The following SPON1 variants were observed in gnomAD, a reference collection of about 807,000 sequenced individuals.
SPON1 encodes the protein spondin-1.
Under a neutral mutation model 111.7 loss-of-function variants are expected in SPON1, and 52 were observed. That is an observed-to-expected ratio of 0.47 (90% CI 0.37 to 0.59). The LOEUF (loss-of-function observed/expected upper bound fraction) is 0.59. SPON1 is among the 20% of genes least tolerant of loss of function. SPON1 has a pLI of 0.00. For missense variants in SPON1, 957 were observed against 1,068.5 expected (o/e 0.90, Z 1.46); for synonymous variants, 410 against 395.8 (o/e 1.04, Z -0.43).
At chr11:13,996,545 A>G (rs1269071596) in intron 2 of SPON1, among the ~76,000 whole-genome samples, 1 of 152,246 alleles carries the variant, frequency 6.6e-6, no homozygotes, top group African/African-American at 2.4e-5. Flanking sequence ...CACTCCTCTC[A>G]ACAGAGCACA....
intron 3 of SPON1, among the ~76,000 whole-genome samples, chr11:14,050,415 G>T (rs73422178): frequency 0.03 from 4,602 of 152,236 alleles, 227 homozygotes; most frequent in African/African-American, 0.1. Context: ...TTTGTGTACT[G>T]TTAGAGCTCT....
intron 6 of SPON1, among the ~76,000 whole-genome samples, chr11:14,141,866 C>T (rs534579160): frequency 6.6e-6 from 1 of 152,146 alleles, no homozygotes; most frequent in Non-Finnish European, 1.5e-5. Context: ...CTGCCTCATC[C>T]GGTTTGGAAA....
At chr11:14,231,930 GGA>G (rs1491408287) in intron 6 of SPON1, among the ~76,000 whole-genome samples, 80,355 of 151,210 alleles carry the variant, frequency 0.53, 21,555 homozygotes, top group East Asian at 0.64. Context: ...AAGGATGGTG[GGA>G]TTATAGGGTC....
intron 3 of SPON1, among the ~76,000 whole-genome samples, chr11:14,050,741 G>A (rs1014616275): frequency 3.1e-4 from 47 of 152,140 alleles, no homozygotes; most frequent in African/African-American, 1.1e-3. Flanking sequence ...ACCCCAGTTG[G>A]GGCCTTTGGA....
In SPON1 at chr11:14,267,156, T is replaced by C. The variant is rs562781430; in HGVS notation, c.*1469T>C. 5.3e-4 allele frequency: 81 copies of C among 152,334 alleles called. No individual in the cohort carries two copies. Among genetic ancestry groups the C allele is most frequent in the Non-Finnish European group, 1.0e-3 (69 of 68,028 alleles). 9.4% of individuals were successfully genotyped at this position (152,334 alleles called of 1,614,324 possible). On this transcript the variant is annotated 3_prime_UTR_variant, in exon 16 of 16. Coordinates refer to ENST00000576479, the MANE Select transcript of SPON1 (RefSeq NM_006108.4). The stretch of plus-strand genomic sequence containing the variant: ...TATTTCCAAATACAACATAGTATAG[T>C]CCTGAATATGTACTTTTAACACAAG...
chr11:14,182,673 T>C (rs1361060383), intron 6 of SPON1, among the ~76,000 whole-genome samples: 2 of 152,194 alleles, frequency 1.3e-5, no homozygotes, highest in Non-Finnish European at 2.9e-5. Flanking sequence ...GTAAAGCTTG[T>C]TGCCTAAAAG....
chr11:14,255,923 G>A, intron 9 of SPON1, 136 bp downstream of exon 9: 1 of 920,234 alleles, frequency 1.1e-6, no homozygotes, highest in Non-Finnish European at 1.6e-6. Context: ...GGCCTCCCCA[G>A]GTTTCTAACA....
chr11:14,041,409 C>A, intron 2 of SPON1, 112 bp from the exon 3 acceptor site: 1 of 1,302,290 alleles, frequency 7.7e-7, no homozygotes, highest in Non-Finnish European at 1.1e-6. Flanking sequence ...TACAGAGTTG[C>A]TAACATAAAA....
chr11:14,092,771 C>G (rs1024235643), intron 5 of SPON1, among the ~76,000 whole-genome samples: 1 of 152,096 alleles, frequency 6.6e-6, no homozygotes, highest in Non-Finnish European at 1.5e-5. Context: ...GTTCTAGAAA[C>G]GCATTTTAAC....
At chr11:14,156,680 A>G (rs2133871175) in intron 6 of SPON1, among the ~76,000 whole-genome samples, 1 of 152,268 alleles carries the variant, frequency 6.6e-6, no homozygotes, top group South Asian at 2.1e-4. Flanking sequence ...TCTAAGGTGT[A>G]AGGAAGGGAT....
rs539806762 is a variant in SPON1 at position 13,997,767 on chromosome 11, T to C, written c.345+14814T>C. Among the ~76,000 whole-genome samples the C allele has an allele frequency of 5.4e-4, 82 of 152,370 alleles. No individual in the cohort carries two copies. The South Asian group carries it at 0.016, about 29-fold the overall frequency. ...AAAATAAAATGAAAAATTTATGCTA[T>C]GGATACATGATGCGCAAACAAAATC... On this transcript the variant is annotated intron_variant, in intron 2 of 15. Transcript: ENST00000576479.
intron 3 of SPON1, among the ~76,000 whole-genome samples, chr11:14,064,110 C>G (rs1226662701): frequency 6.6e-6 from 1 of 152,174 alleles, no homozygotes; most frequent in Non-Finnish European, 1.5e-5. Context: ...ATCAGCACAC[C>G]TGCAATGTTT....
chr11:14,255,365 C>A (rs1025318316), intron 8 of SPON1, among the ~76,000 whole-genome samples: 1 of 152,198 alleles, frequency 6.6e-6, no homozygotes, highest in Non-Finnish European at 1.5e-5. Flanking sequence ...GTTTGGGATT[C>A]AGGCCAACCT....
chr11:14,131,510 C>G (rs1361229637), intron 5 of SPON1, among the ~76,000 whole-genome samples: 8 of 152,224 alleles, frequency 5.3e-5, no homozygotes, highest in African/African-American at 1.9e-4. Context: ...TAGGCACCCT[C>G]CTTCCAACTG....
At chr11:14,041,149 T>C (rs1251150416) in intron 2 of SPON1, among the ~76,000 whole-genome samples, 1 of 152,226 alleles carries the variant, frequency 6.6e-6, no homozygotes, top group Non-Finnish European at 1.5e-5. Flanking sequence ...AGCTGAGTTA[T>C]GAAGTTTTGC....
At chr11:14,089,422 G>T (rs539642169) in intron 5 of SPON1, among the ~76,000 whole-genome samples, 1 of 152,276 alleles carries the variant, frequency 6.6e-6, no homozygotes, top group African/African-American at 2.4e-5. Context: ...TTTGCTGGAG[G>T]TCTACTCCAG....
chr11:13,969,215 C>CGAAAAA (rs1848043379), intron 1 of SPON1, among the ~76,000 whole-genome samples: 1 of 106,980 alleles, frequency 9.3e-6, no homozygotes, highest in Non-Finnish European at 1.9e-5. Flanking sequence ...CCCATCTCTA[C>CGAAAAA]AAAAAAAAAA....
chr11:14,001,840 T>C (rs1848321352), intron 2 of SPON1, among the ~76,000 whole-genome samples: 1 of 151,750 alleles, frequency 6.6e-6, no homozygotes, highest in Admixed American at 6.6e-5. Context: ...ATCAGACAAA[T>C]AGAGAAAAGA....
intron 2 of SPON1, among the ~76,000 whole-genome samples, chr11:14,017,705 C>G (rs1249243640): frequency 6.6e-6 from 1 of 152,234 alleles, no homozygotes; most frequent in Non-Finnish European, 1.5e-5. Flanking sequence ...GGCACACTGT[C>G]TTTCCAAATA....
Sources: allele counts gnomAD v4.1 joint callset (sites outside exome capture counted in the v4.1 genomes callset), GRCh38; gene constraint gnomAD v4.1.1; transcripts MANE v1.5; gene names NCBI Gene and HGNC (gene_info 2026-07-23, HGNC 2026-07-21).